ALLC: variants seen among roughly 807,000 people sequenced by gnomAD.
ALLC encodes the protein allantoicase, also known as probable inactive allantoicase.
Under a neutral mutation model 45.0 loss-of-function variants are expected in ALLC, and 40 were observed. The ratio of observed to expected loss-of-function variants is 0.89; its 90% CI spans 0.69 to 1.16. The LOEUF is 1.16. Among genes scored for constraint, ALLC ranks in the 50% most tolerant of loss-of-function variants. The pLI, the probability that ALLC is intolerant of heterozygous loss-of-function variation, is 0.00. For synonymous variants in ALLC, 176 were observed against 178.1 expected (o/e 0.99, Z 0.09); for missense variants, 488 against 493.1 (o/e 0.99, Z 0.10).
intron 7 of ALLC, among the ~76,000 whole-genome samples, chr2:3,683,481 C>T (rs575310312): frequency 6.6e-6 from 1 of 152,206 alleles, no homozygotes; most frequent in Non-Finnish European, 1.5e-5. Context: ...TAGACACGTG[C>T]AACCATCACC....
chr2:3,697,546 C>T lies in ALLC; in HGVS notation c.850+90C>T, dbSNP rs1437673606. The T allele has an allele frequency of 4.9e-6, 5 of 1,028,262 alleles. No individual in the cohort carries two copies. The South Asian group carries it at 5.7e-5, about 12-fold the overall frequency. The allele number at this position is 1,028,262 out of a possible 1,614,324, so 63.7% of individuals were successfully genotyped here. ...TGGAAGTGGGACTGAGGACACTGGACTTTCGGTGTGGATTCCCCGTTTAAG... is the reference window on the plus strand; with the variant it reads ...TGGAAGTGGGACTGAGGACACTGGATTTTCGGTGTGGATTCCCCGTTTAAG... On this transcript the variant is annotated intron_variant, in intron 10 of 11. Coordinates refer to ENST00000252505, the MANE Select transcript of ALLC (RefSeq NM_018436.4).
At chr2:3,666,678 G>C (rs147927263) in intron 1 of ALLC, among the ~76,000 whole-genome samples, 1 of 152,244 alleles carries the variant, frequency 6.6e-6, no homozygotes, top group Admixed American at 6.5e-5. Context: ...AGCACGCCGC[G>C]ATGCTGCTAC....
chr2:3,671,082 C>T lies in ALLC; in HGVS notation c.-62-14C>T, dbSNP rs1666855988. The T allele has an allele frequency of 2.6e-6, 4 of 1,542,352 alleles. No homozygotes were observed. Among genetic ancestry groups the T allele is most frequent in the Non-Finnish European group, 2.7e-6 (3 of 1,130,930 alleles). ...CAGCCCCCAAGGTTGACCGAGCTGC[C>T]CTCTCCCTTCCAGGAAGCACGGCTG... On this transcript the variant is annotated splice_polypyrimidine_tract_variant and intron_variant, in intron 1 of 11. Transcript: ENST00000252505.
chr2:3,651,446 G>A, the ALLC span, among the ~76,000 whole-genome samples: 2 of 27,948 alleles, frequency 7.2e-5, 1 homozygote, highest in Non-Finnish European at 2.1e-4. Flanking sequence ...TGTGTGTTAG[G>A]AAGGGAGACG....
chr2:3,654,713 C>G (rs983797698), upstream of ALLC, among the ~76,000 whole-genome samples: 1 of 152,232 alleles, frequency 6.6e-6, no homozygotes, highest in African/African-American at 2.4e-5. Context: ...ACGTGACTGT[C>G]TTTTCTGCGT....
chr2:3,697,762 T>C (rs1000728045), intron 10 of ALLC, among the ~76,000 whole-genome samples: 36 of 151,686 alleles, frequency 2.4e-4, no homozygotes, highest in Non-Finnish European at 5.0e-4. Flanking sequence ...ACCTCCAGGG[T>C]CCAAGCGATT....
intron 3 of ALLC, among the ~76,000 whole-genome samples, chr2:3,677,200 C>T (rs946681391): frequency 9.2e-5 from 14 of 152,210 alleles, no homozygotes; most frequent in African/African-American, 3.1e-4. Context: ...GTGTCCCCAG[C>T]TTCCCTCACA....
At chr2:3,690,946 A>T (rs1667499760) in intron 7 of ALLC, among the ~76,000 whole-genome samples, 1 of 140,614 alleles carries the variant, frequency 7.1e-6, no homozygotes. Flanking sequence ...TTCTTTTTGC[A>T]CATTAGTGTT....
At chr2:3,693,943 G>A (rs566011024) in intron 7 of ALLC, among the ~76,000 whole-genome samples, 9 of 152,234 alleles carry the variant, frequency 5.9e-5, no homozygotes, top group African/African-American at 2.2e-4. Flanking sequence ...AGCCGAGATC[G>A]TGCCACTGCA....
chr2:3,662,594 TA>T (rs1375347592), intron 1 of ALLC, among the ~76,000 whole-genome samples: 1 of 152,264 alleles, frequency 6.6e-6, no homozygotes, highest in Non-Finnish European at 1.5e-5. Context: ...ATTCTTTTTT[TA>T]TATATAATTT....
chr2:3,669,950 A>G (rs1666822507), intron 1 of ALLC, among the ~76,000 whole-genome samples: 1 of 152,138 alleles, frequency 6.6e-6, no homozygotes, highest in Admixed American at 6.6e-5. Context: ...ATTTGGGGAT[A>G]ATTGGAGTGT....
intron 7 of ALLC, among the ~76,000 whole-genome samples, chr2:3,684,760 A>G (rs578073978): frequency 6.6e-6 from 1 of 152,300 alleles, no homozygotes; most frequent in East Asian, 1.9e-4. Context: ...ATAGTATTCC[A>G]TGGTATATGT....
In ALLC at chr2:3,680,229, C is replaced by T. The variant is rs928731018; in HGVS notation, c.298+235C>T. The stretch of plus-strand genomic sequence containing the variant: ...CCAGATATAGATTTTATCATTCCCA[C>T]GGTCCTTCAGCTTCACGCAGAGGCA... On this transcript the variant is annotated intron_variant, in intron 5 of 11. Transcript: ENST00000252505. The surrounding 1 kb of genome is among the most constrained non-coding windows in gnomAD (Gnocchi z 4.0). Among the ~76,000 whole-genome samples the T allele has an allele frequency of 2.0e-5, 3 of 152,204 alleles. No homozygotes were observed. The highest frequency in any genetic ancestry group is 6.5e-5 in the Admixed American group (1 of 15,280).
At chr2:3,674,552 G>A (rs1428645699) in intron 3 of ALLC, among the ~76,000 whole-genome samples, 1 of 152,212 alleles carries the variant, frequency 6.6e-6, no homozygotes, top group Non-Finnish European at 1.5e-5. Context: ...CTGGCGTCCT[G>A]CTCCTCCGTC....
chr2:3,647,194 T>A, the ALLC span, among the ~76,000 whole-genome samples: 4 of 152,138 alleles, frequency 2.6e-5, no homozygotes, highest in Non-Finnish European at 4.4e-5. Flanking sequence ...ATTGGTAATA[T>A]GTTCAACGCG....
the ALLC span, among the ~76,000 whole-genome samples, chr2:3,649,424 G>A: frequency 6.6e-6 from 1 of 152,082 alleles, no homozygotes; most frequent in Non-Finnish European, 1.5e-5. Context: ...TGTATTTTTA[G>A]TAGAGACGGG....
chr2:3,690,801 T>G (rs1243398800), intron 7 of ALLC, among the ~76,000 whole-genome samples: 1 of 152,168 alleles, frequency 6.6e-6, no homozygotes, highest in Non-Finnish European at 1.5e-5. Flanking sequence ...AAAAGATTAT[T>G]ATTTTTGATA....
chr2:3,646,876 C>T, the ALLC span, among the ~76,000 whole-genome samples: 1 of 152,146 alleles, frequency 6.6e-6, no homozygotes, highest in Non-Finnish European at 1.5e-5. Context: ...TGGAGTATAG[C>T]TGAAGAATTG....
intron 2 of ALLC, among the ~76,000 whole-genome samples, chr2:3,671,768 T>C (rs1173279971): frequency 1.4e-5 from 2 of 140,300 alleles, no homozygotes; most frequent in East Asian, 4.0e-4. Flanking sequence ...TCGGAGGTCC[T>C]CTGGCTCTGG....
Sources: allele counts gnomAD v4.1 joint callset (sites outside exome capture counted in the v4.1 genomes callset), GRCh38; gene constraint gnomAD v4.1.1; non-coding constraint Gnocchi (gnomAD v3.1); transcripts MANE v1.5; gene names NCBI Gene and HGNC (gene_info 2026-07-23, HGNC 2026-07-21).